Variants in DYNC1I2 observed in about 807,000 individuals in gnomAD.
The protein encoded by DYNC1I2 is dynein cytoplasmic 1 intermediate chain 2.
A neutral mutation model predicts 88.6 loss-of-function variants in DYNC1I2; 53 were observed. The observed-to-expected ratio is 0.60, with a 90% CI of 0.48 to 0.75. The LOEUF is 0.75. Among genes scored for constraint, DYNC1I2 ranks in the 30% least tolerant of loss-of-function variants. The pLI is 0.00. For synonymous variants in DYNC1I2, 198 were observed against 254.6 expected, an observed-to-expected ratio of 0.78 and a Z score of 2.12; for missense variants, 458 against 766.6, an observed-to-expected ratio of 0.60 and a Z score of 4.75.
At chr2:171,744,294 TGATTGTA>T in intron 16 of DYNC1I2, 105 bp downstream of exon 16, 1 of 1,200,682 alleles carries the variant, frequency 8.3e-7, no homozygotes. Flanking sequence ...AAGGGTTCTG[TGATTGTA>T]GATTCATCAC....
intron 15 of DYNC1I2, among the ~76,000 whole-genome samples, chr2:171,741,346 A>G (rs1460435228): frequency 1.3e-5 from 2 of 152,162 alleles, no homozygotes; most frequent in African/African-American, 4.8e-5. Context: ...CATTTTGAGG[A>G]GCTGCCAAAC....
intron 15 of DYNC1I2, among the ~76,000 whole-genome samples, chr2:171,730,764 G>T (rs996092535): frequency 1.3e-5 from 2 of 151,816 alleles, no homozygotes; most frequent in Admixed American, 6.6e-5. Flanking sequence ...AATTCATCAT[G>T]AGACAAAGTT....
At chr2:171,746,148 A>G (rs1689764237) in intron 17 of DYNC1I2, among the ~76,000 whole-genome samples, 1 of 152,210 alleles carries the variant, frequency 6.6e-6, no homozygotes, top group African/African-American at 2.4e-5. Flanking sequence ...GTAATACAAT[A>G]AATACATTGA....
At chr2:171,692,309 A>G (rs1487403015) in intron 2 of DYNC1I2, among the ~76,000 whole-genome samples, 5 of 152,212 alleles carry the variant, frequency 3.3e-5, no homozygotes, top group African/African-American at 1.2e-4. Flanking sequence ...GACTTTATAC[A>G]GAAGTTTGTG....
intron 11 of DYNC1I2, 59 bp downstream of exon 11, chr2:171,726,975 A>T (rs1438139264): frequency 1.6e-5 from 23 of 1,464,430 alleles, no homozygotes; most frequent in Non-Finnish European, 2.1e-5. Context: ...ATGAATTAAG[A>T]CAAGTGCCTT....
At chr2:171,740,615 G>A (rs982491300) in intron 15 of DYNC1I2, among the ~76,000 whole-genome samples, 1 of 152,112 alleles carries the variant, frequency 6.6e-6, no homozygotes, top group Non-Finnish European at 1.5e-5. Flanking sequence ...GTTTCAAGCT[G>A]TCTTTCATTT....
At chr2:171,725,390 G>A (rs1314025845) in intron 7 of DYNC1I2, among the ~76,000 whole-genome samples, 1 of 152,030 alleles carries the variant, frequency 6.6e-6, no homozygotes, top group African/African-American at 2.4e-5. Flanking sequence ...TACCACATAG[G>A]TATGTATAAA....
chr2:171,702,638 A>G (rs751220730), intron 3 of DYNC1I2, among the ~76,000 whole-genome samples: 3 of 151,972 alleles, frequency 2.0e-5, no homozygotes, highest in Non-Finnish European at 2.9e-5. Context: ...TTGTTTTCCT[A>G]AAGTGGATTT....
intron 17 of DYNC1I2, among the ~76,000 whole-genome samples, chr2:171,746,731 TTTTTAA>T (rs1305545095): frequency 1.3e-5 from 2 of 152,210 alleles, no homozygotes. Context: ...CGTAACTGAA[TTTTTAA>T]TTTTAATTAA....
intron 15 of DYNC1I2, among the ~76,000 whole-genome samples, chr2:171,739,000 T>C (rs1279914221): frequency 6.6e-6 from 1 of 151,244 alleles, no homozygotes; most frequent in Non-Finnish European, 1.5e-5. Context: ...AATACAAAAT[T>C]AGCCATGTGT....
chr2:171,732,245 C>T (rs1479316029), intron 15 of DYNC1I2, among the ~76,000 whole-genome samples: 1 of 152,136 alleles, frequency 6.6e-6, no homozygotes, highest in African/African-American at 2.4e-5. Context: ...CACCTGTATT[C>T]CTAGCTACTC....
intron 15 of DYNC1I2, among the ~76,000 whole-genome samples, chr2:171,739,745 G>T (rs1188060743): frequency 9.1e-6 from 1 of 110,300 alleles, no homozygotes; most frequent in Non-Finnish European, 1.7e-5. Context: ...TCACTCTGTT[G>T]CCCAGGCTGG....
intron 7 of DYNC1I2, among the ~76,000 whole-genome samples, chr2:171,719,417 G>A (rs1044046362): frequency 2.0e-5 from 3 of 152,176 alleles, no homozygotes; most frequent in East Asian, 1.9e-4. Flanking sequence ...AACACTGTGC[G>A]CTTAACTGTT....
At chr2:171,729,009 G>A (rs570069163) in intron 14 of DYNC1I2, among the ~76,000 whole-genome samples, 159 bp downstream of exon 14, 7 of 152,154 alleles carry the variant, frequency 4.6e-5, no homozygotes, top group Admixed American at 3.3e-4. Context: ...ATACCTTTTT[G>A]TATAAAAGAT....
intron 5 of DYNC1I2, 143 bp from the exon 6 acceptor site, chr2:171,712,624 A>ATTTT: frequency 2.0e-6 from 1 of 511,504 alleles, no homozygotes; most frequent in Non-Finnish European, 3.4e-6. Context: ...TTTGTTTTCG[A>ATTTT]TTTTTTTTTT....
chr2:171,688,133 C>CCG (rs1266345305), intron 1 of DYNC1I2: 1 of 152,362 alleles, frequency 6.6e-6, no homozygotes, highest in Non-Finnish European at 1.5e-5. Context: ...CTGCCGTGGA[C>CCG]CGCGCCCTCT....
At position 171,733,459 on chromosome 2, in the gene DYNC1I2, C is replaced by CTTTTT. The variant is rs61079902; in HGVS notation, c.1536+3632_1536+3636dup. ...TTTTTCTCCACAACCTTGCCAGCAT[C>CTTTTT]TTTTTTTTTTTTTTTTTTTTTTTTT... On this transcript the variant is annotated intron_variant, in intron 15 of 17. Coordinates refer to ENST00000397119, the MANE Select transcript of DYNC1I2 (RefSeq NM_001378.3). Among the ~76,000 whole-genome samples, 417 of 55,478 alleles carry CTTTTT rather than the reference C, an allele frequency of 7.5e-3. 24 individuals carry two copies. Among genetic ancestry groups the CTTTTT allele is most frequent in the Non-Finnish European group, 9.9e-3 (308 of 31,234 alleles). 36.4% of individuals were successfully genotyped at this position (55,478 alleles called of 152,430 possible).
chr2:171,713,353 A>C (rs1194739853), intron 6 of DYNC1I2, among the ~76,000 whole-genome samples: 2 of 151,990 alleles, frequency 1.3e-5, no homozygotes, highest in Non-Finnish European at 2.9e-5. Flanking sequence ...TGTATGGATG[A>C]ATATTCTTAA....
At chr2:171,738,922 G>A (rs375251855) in intron 15 of DYNC1I2, among the ~76,000 whole-genome samples, 33 of 152,122 alleles carry the variant, frequency 2.2e-4, no homozygotes, top group Admixed American at 1.3e-3. Flanking sequence ...GCCAAGGCAG[G>A]TGGATCACCG....
Sources: allele counts gnomAD v4.1 joint callset (sites outside exome capture counted in the v4.1 genomes callset), GRCh38; gene constraint gnomAD v4.1.1; transcripts MANE v1.5; gene names NCBI Gene and HGNC (gene_info 2026-07-23, HGNC 2026-07-21).